Variants in WFDC1 observed in about 807,000 individuals in gnomAD.
The protein encoded by WFDC1 is WAP four-disulfide core domain 1, also known as WAP four-disulfide core domain protein 1.
Under a neutral mutation model 32.9 loss-of-function variants are expected in WFDC1, and 39 were observed. That is an observed-to-expected ratio of 1.19 (90% confidence interval 0.92 to 1.55). The LOEUF (loss-of-function observed/expected upper bound fraction) is 1.55. Among genes scored for constraint, WFDC1 ranks in the 40% most tolerant of loss-of-function variants. The pLI, the probability that WFDC1 is intolerant of heterozygous loss-of-function variation, is 0.00. For missense variants in WFDC1, 386 were observed against 309.5 expected (o/e 1.25, Z -1.85); for synonymous variants, 184 against 137.4 (o/e 1.34, Z -2.37).
At chr16:84,299,225 A>G (rs244828) in intron 1 of WFDC1, among the ~76,000 whole-genome samples, 131,923 of 151,960 alleles carry the variant, frequency 0.87, 57,697 homozygotes, top group Non-Finnish European at 0.91. Context: ...TTAGCCGGGC[A>G]TGGTGGCGCA....
chr16:84,323,218 C>T (rs933391660), intron 4 of WFDC1, among the ~76,000 whole-genome samples: 3 of 152,160 alleles, frequency 2.0e-5, no homozygotes, highest in African/African-American at 4.8e-5. Context: ...GCACCTTGAC[C>T]GATAAATGTC....
intron 1 of WFDC1, among the ~76,000 whole-genome samples, chr16:84,311,914 C>T (rs150979676): frequency 9.2e-5 from 14 of 151,982 alleles, no homozygotes; most frequent in Non-Finnish European, 1.6e-4. Context: ...ACCTGTAATC[C>T]CAGCACTTTG....
intron 2 of WFDC1, among the ~76,000 whole-genome samples, chr16:84,315,199 A>G (rs1352090241): frequency 1.3e-5 from 2 of 152,160 alleles, no homozygotes; most frequent in African/African-American, 4.8e-5. Context: ...CCCATGGCTC[A>G]CTTCCTTGCC....
At chr16:84,324,546 C>G (rs1908478835) in intron 5 of WFDC1, 86 bp downstream of exon 5, 1 of 1,483,826 alleles carries the variant, frequency 6.7e-7, no homozygotes, top group African/African-American at 1.4e-5. Context: ...AATAAAAGCC[C>G]AGGGCTGAGA....
At chr16:84,295,513 A>C in intron 1 of WFDC1, 1 of 316,616 alleles carries the variant, frequency 3.2e-6, no homozygotes, top group South Asian at 1.1e-4. Flanking sequence ...TTATTCATTC[A>C]GCAAACAGAA....
At chr16:84,318,233 G>T in intron 2 of WFDC1, 39 bp from the exon 3 acceptor site, 1 of 1,608,780 alleles carries the variant, frequency 6.2e-7, no homozygotes, top group Non-Finnish European at 8.5e-7. Flanking sequence ...TTTCTCAGCT[G>T]CTTGAGGAGG....
chr16:84,324,494 G>T, intron 5 of WFDC1, 34 bp downstream of exon 5: 3 of 1,596,338 alleles, frequency 1.9e-6, no homozygotes, highest in Non-Finnish European at 2.6e-6. Flanking sequence ...TTTCCAGAGG[G>T]CACAAAAAAA....
intron 5 of WFDC1, 87 bp downstream of exon 5, chr16:84,324,547 A>G (rs911663057): frequency 1.4e-6 from 2 of 1,477,294 alleles, no homozygotes; most frequent in African/African-American, 1.4e-5. Flanking sequence ...ATAAAAGCCC[A>G]GGGCTGAGAT....
At position 84,318,162 on chromosome 16, in the gene WFDC1, C is replaced by G. The variant is rs1908068046; in HGVS notation, c.338-110C>G. ...TGTGCCAGGAACCATAGTTATTTCTCCCATGGGGAGCCTCTGTGCTGTCAT... is the reference window on the plus strand; with the variant it reads ...TGTGCCAGGAACCATAGTTATTTCTGCCATGGGGAGCCTCTGTGCTGTCAT... On this transcript the variant is annotated intron_variant, in intron 2 of 6. Transcript: ENST00000219454. 2.0e-5 allele frequency: 19 copies of G among 942,532 alleles called. No individual in the cohort carries two copies. The South Asian group carries it at 2.4e-4, about 12-fold the overall frequency. The allele number at this position is 942,532 out of a possible 1,614,324, so 58.4% of individuals were successfully genotyped here.
At position 84,294,890 on chromosome 16, in the gene WFDC1, C is replaced by G; in HGVS notation, c.-82C>G. 1 of 1,554,956 alleles carries G rather than the reference C, an allele frequency of 6.4e-7. No individual in the cohort carries two copies. Among genetic ancestry groups the G allele is most frequent in the South Asian group, 1.2e-5 (1 of 80,966 alleles). The stretch of plus-strand genomic sequence containing the variant: ...AAGAAAGTCCAGCAGACTGTGCACG[C>G]TCCTGTCCCCACTCACAGGCCCACG... On this transcript the variant is annotated 5_prime_UTR_variant, in exon 1 of 7. Coordinates refer to ENST00000219454, the MANE Select transcript of WFDC1 (RefSeq NM_021197.4).
intron 1 of WFDC1, among the ~76,000 whole-genome samples, chr16:84,312,058 G>A (rs946279483): frequency 6.6e-6 from 1 of 152,000 alleles, no homozygotes; most frequent in Non-Finnish European, 1.5e-5. Context: ...CCAGCTACTC[G>A]GGAGGCTGAG....
chr16:84,322,145 C>CTGTGTGTGCGTGTG (rs1908334804), intron 4 of WFDC1, among the ~76,000 whole-genome samples: 1 of 109,336 alleles, frequency 9.1e-6, no homozygotes, highest in Non-Finnish European at 2.1e-5. Context: ...GCCTCAGAGC[C>CTGTGTGTGCGTGTG]TGTGTGTGTG....
chr16:84,316,375 G>C (rs978789238), intron 2 of WFDC1: 10 of 152,156 alleles, frequency 6.6e-5, no homozygotes, highest in African/African-American at 2.4e-4. Flanking sequence ...ATAAATATTA[G>C]TAATTTTTAT....
chr16:84,297,405 G>T (rs1178482349), intron 1 of WFDC1, among the ~76,000 whole-genome samples: 1 of 152,048 alleles, frequency 6.6e-6, no homozygotes, highest in Non-Finnish European at 1.5e-5. Context: ...ATCACCTGAG[G>T]TCAGGAGTTC....
At chr16:84,317,292 CAAAA>C (rs770942728) in intron 2 of WFDC1, 16 of 100,998 alleles carry the variant, frequency 1.6e-4, no homozygotes, top group Non-Finnish European at 2.2e-4. Context: ...GACTCTGTCT[CAAAA>C]TAAATAAATA....
At chr16:84,295,292 C>CA in intron 1 of WFDC1, 177 bp downstream of exon 1, 2 of 674,700 alleles carry the variant, frequency 3.0e-6, no homozygotes, top group Non-Finnish European at 4.7e-6. Context: ...GGCTCACCCC[C>CA]AAAAAAGGAC....
At chr16:84,314,443 A>G (rs1907834010) in intron 2 of WFDC1, among the ~76,000 whole-genome samples, 1 of 152,150 alleles carries the variant, frequency 6.6e-6, no homozygotes, top group African/African-American at 2.4e-5. Flanking sequence ...TGTACCTTCC[A>G]CGAGAGGCTG....
At position 84,318,254 on chromosome 16, in the gene WFDC1, GA is replaced by G. The variant is rs781335957; in HGVS notation, c.338-17del. The G allele has an allele frequency of 6.2e-7, 1 of 1,613,898 alleles. No homozygotes were observed. Among genetic ancestry groups the G allele is most frequent in the Non-Finnish European group, 8.5e-7 (1 of 1,179,830 alleles). On this transcript the variant is annotated splice_polypyrimidine_tract_variant and intron_variant, in intron 2 of 6. Transcript: ENST00000219454. ...AGCTGCTTGAGGAGGGCCCTGATCT[GA>G]CCCCGTATTGTGTTAGTCTTAGACT...
chr16:84,322,647 A>G (rs1386661140), intron 4 of WFDC1, among the ~76,000 whole-genome samples: 3 of 152,228 alleles, frequency 2.0e-5, no homozygotes, highest in Admixed American at 2.0e-4. Flanking sequence ...TCCTCCCGTA[A>G]GAGAGGCTTC....
Sources: allele counts gnomAD v4.1 joint callset (sites outside exome capture counted in the v4.1 genomes callset), GRCh38; gene constraint gnomAD v4.1.1; transcripts MANE v1.5; gene names NCBI Gene and HGNC (gene_info 2026-07-23, HGNC 2026-07-21).